ELMOD1: variants seen among roughly 807,000 people sequenced by gnomAD.
The protein encoded by ELMOD1 is ELMO domain-containing protein 1.
ELMOD1 carries 21 observed loss-of-function variants against 46.7 expected under a neutral mutation model. The ratio of observed to expected loss-of-function variants is 0.45; its 90% confidence interval spans 0.32 to 0.65. The LOEUF (loss-of-function observed/expected upper bound fraction) is 0.65, where lower values mean the gene tolerates loss of function less well. Among genes scored for constraint, ELMOD1 ranks in the 30% least tolerant of loss-of-function variants. The probability of loss-of-function intolerance (pLI) is 0.04; values close to 1 mark genes in which losing one functional copy is unlikely to be tolerated. For missense variants in ELMOD1, 348 were observed against 407.8 expected (o/e 0.85, Z 1.26); for synonymous variants, 122 against 138.2 (o/e 0.88, Z 0.82).
At chr11:107,650,799 TTTTC>T (rs1447383975) in intron 8 of ELMOD1, 82 bp from the exon 9 acceptor site, 7 of 911,190 alleles carry the variant, frequency 7.7e-6, no homozygotes, top group Admixed American at 4.1e-5. Context: ...AAGGCTTTTT[TTTTC>T]TTTCTTTCTT....
intron 1 of ELMOD1, among the ~76,000 whole-genome samples, chr11:107,615,513 G>T (rs1168606238): frequency 2.0e-5 from 3 of 151,960 alleles, no homozygotes; most frequent in Non-Finnish European, 4.4e-5. Context: ...GATTACAGGC[G>T]TGAGCCACCA....
intron 7 of ELMOD1, 45 bp downstream of exon 7, chr11:107,647,646 TCTC>T (rs1277627626): frequency 1.3e-6 from 2 of 1,591,202 alleles, no homozygotes; most frequent in African/African-American, 2.7e-5. Context: ...GATGTTTTGG[TCTC>T]CTCATACTGA....
chr11:107,655,573 C>CTTTTTTTTTTTT (rs746890763), intron 10 of ELMOD1, among the ~76,000 whole-genome samples: 7,277 of 112,006 alleles, frequency 0.065, 996 homozygotes, highest in East Asian at 0.21. Flanking sequence ...ATTGAAATGC[C>CTTTTTTTTTTTT]TTTTTTTTTT....
chr11:107,614,365 C>T lies in ELMOD1; in HGVS notation c.-85-3740C>T, dbSNP rs777724471. 1.6e-4 allele frequency among the ~76,000 whole-genome samples: 24 copies of T among 152,034 alleles called. 1 individual carries two copies. The highest frequency in any genetic ancestry group is 2.0e-4 in the Admixed American group (3 of 15,260). On this transcript the variant is annotated intron_variant, in intron 1 of 11. Coordinates refer to ENST00000265840, the MANE Select transcript of ELMOD1 (RefSeq NM_018712.4). ...TATTTTGTTTTGTTTTGTTTTGAGA[C>T]GGAGTCTCTGTTGCCCAGGCTGGAG...
intron 1 of ELMOD1, among the ~76,000 whole-genome samples, chr11:107,601,935 G>T (rs1865607166): frequency 6.6e-6 from 1 of 152,048 alleles, no homozygotes; most frequent in Non-Finnish European, 1.5e-5. Context: ...ATCATTCTAA[G>T]AAATCCTTTC....
Position 107,647,449 on chromosome 11 carries a change from C to T in ELMOD1, c.421-19C>T, listed in dbSNP as rs1866449975. The T allele has an allele frequency of 2.5e-6, 3 of 1,189,774 alleles. No homozygotes were observed. Among genetic ancestry groups the T allele is most frequent in the Non-Finnish European group, 2.3e-6 (2 of 859,846 alleles). The allele number at this position is 1,189,774 out of a possible 1,614,324, so 73.7% of individuals were successfully genotyped here. A position where few individuals can be genotyped will look rare whatever the true frequency, so the allele number is the denominator to read the frequency against. On this transcript the variant is annotated intron_variant, in intron 6 of 11. Coordinates refer to ENST00000265840, the MANE Select transcript of ELMOD1 (RefSeq NM_018712.4). Reference sequence around the variant, plus strand: ...GAAAGGGTGTATCAACAGAGTAATCCTTTTTTTTTTTCCTACAGTTATGGA... The same window carrying T: ...GAAAGGGTGTATCAACAGAGTAATCTTTTTTTTTTTTCCTACAGTTATGGA...
Position 107,618,207 on chromosome 11 carries a change from G to T in ELMOD1, c.17+1G>T, listed in dbSNP as rs963881100. On this transcript the variant is annotated splice_donor_variant, in intron 2 of 11. Coordinates refer to ENST00000265840, the MANE Select transcript of ELMOD1 (RefSeq NM_018712.4). LOFTEE classifies it high-confidence loss of function. ...CGGGCACCATGAAGCACTTCCTGAG[G>T]TATGTGTTTACGGTTCCCTGGCTGA... The T allele has an allele frequency of 6.4e-7, 1 of 1,564,612 alleles. No homozygotes were observed. Among genetic ancestry groups the T allele is most frequent in the Non-Finnish European group, 8.7e-7 (1 of 1,153,624 alleles).
chr11:107,627,088 T>C (rs1170285286), intron 2 of ELMOD1, among the ~76,000 whole-genome samples: 1 of 152,200 alleles, frequency 6.6e-6, no homozygotes, highest in African/African-American at 2.4e-5. Flanking sequence ...TAATTTGATC[T>C]GATGATCTGG....
chr11:107,640,227 C>G (rs577443895), intron 6 of ELMOD1, among the ~76,000 whole-genome samples: 12 of 152,108 alleles, frequency 7.9e-5, no homozygotes, highest in Admixed American at 3.9e-4. Flanking sequence ...AGTATTTTAG[C>G]ATAATGGGCT....
At chr11:107,604,121 G>A (rs1396266009) in intron 1 of ELMOD1, among the ~76,000 whole-genome samples, 1 of 152,170 alleles carries the variant, frequency 6.6e-6, no homozygotes, top group Admixed American at 6.5e-5. Context: ...TTGTGTCGAG[G>A]TAAGAAGTGC....
chr11:107,630,413 A>T lies in ELMOD1; in HGVS notation c.18-4A>T. ...GGAAGGGTGCTGTGTTTTGTTTTTC[A>T]CAGAATGTTGATCCAGGTATGCCTG... On this transcript the variant is annotated splice_polypyrimidine_tract_variant and splice_region_variant and intron_variant, in intron 2 of 11. Coordinates refer to ENST00000265840, the MANE Select transcript of ELMOD1 (RefSeq NM_018712.4). 6.3e-7 allele frequency: 1 copy of T among 1,592,302 alleles called. No homozygotes were observed. The highest frequency in any genetic ancestry group is 8.6e-7 in the Non-Finnish European group (1 of 1,168,454).
intron 6 of ELMOD1, chr11:107,643,493 A>G: frequency 2.9e-6 from 1 of 344,112 alleles, no homozygotes; most frequent in East Asian, 8.1e-5. Flanking sequence ...TTTTCAGAAG[A>G]CACAGCACCA....
chr11:107,653,452 T>C (rs1323313806), intron 9 of ELMOD1: 1 of 152,178 alleles, frequency 6.6e-6, no homozygotes, highest in Non-Finnish European at 1.5e-5. Flanking sequence ...AAAATGGAGC[T>C]GCTGTGGCTT....
intron 1 of ELMOD1, among the ~76,000 whole-genome samples, chr11:107,616,565 GA>G (rs1420517855): frequency 6.6e-6 from 1 of 152,056 alleles, no homozygotes; most frequent in African/African-American, 2.4e-5. Context: ...TTTTAGTAGA[GA>G]TGAGGTTTCT....
intron 1 of ELMOD1, among the ~76,000 whole-genome samples, chr11:107,600,128 C>T (rs145896045): frequency 5.9e-5 from 9 of 152,058 alleles, no homozygotes; most frequent in Non-Finnish European, 1.2e-4. Context: ...CAAATCATGA[C>T]CAATGCTGTT....
At position 107,635,692 on chromosome 11, in the gene ELMOD1, T is replaced by C. The variant is rs1331810784; in HGVS notation, c.347T>C (p.Ile116Thr). 1.5e-5 allele frequency: 25 copies of C among 1,614,010 alleles called. No homozygotes were observed. The highest frequency in any genetic ancestry group is 2.0e-5 in the Non-Finnish European group (24 of 1,179,888). The change falls in exon 6 of 12, where the codon ATT (isoleucine) becomes ACT (threonine). Residue 116 changes from isoleucine to threonine, a missense_variant. Transcript: ENST00000265840. The part of the protein sequence containing the change: ...LLQIVGYRNL[I>T]ADVEKLRREA... ...CAAATCGTTGGGTACAGGAACCTTA[T>C]TGCAGATGTGGAAAAACTGCGTAGA...
intron 1 of ELMOD1, among the ~76,000 whole-genome samples, chr11:107,606,548 T>C (rs1224889892): frequency 6.6e-6 from 1 of 152,128 alleles, no homozygotes; most frequent in African/African-American, 2.4e-5. Flanking sequence ...TAAAACTACA[T>C]TGGCGGCAGA....
chr11:107,648,686 G>C (rs1041810348), intron 7 of ELMOD1, among the ~76,000 whole-genome samples: 1 of 152,004 alleles, frequency 6.6e-6, no homozygotes, highest in Admixed American at 6.6e-5. Flanking sequence ...ATATAGGCAG[G>C]ACAGATATTC....
At chr11:107,651,057 G>A (rs747557459) in intron 9 of ELMOD1, 149 bp downstream of exon 9, 3 of 456,514 alleles carry the variant, frequency 6.6e-6, no homozygotes, top group Non-Finnish European at 1.1e-5. Context: ...TTATAGCTGG[G>A]CTATGTTTTA....
Sources: allele counts gnomAD v4.1 joint callset (sites outside exome capture counted in the v4.1 genomes callset), GRCh38; gene constraint gnomAD v4.1.1; transcripts MANE v1.5; gene names NCBI Gene and HGNC (gene_info 2026-07-23, HGNC 2026-07-21).